Variants in GABRG1 observed in about 807,000 individuals in gnomAD.
The protein encoded by GABRG1 is gamma-aminobutyric acid receptor subunit gamma-1.
In GABRG1, 49 loss-of-function variants were observed where a neutral mutation model predicts 49.8. That is an observed-to-expected ratio of 0.98 (90% CI 0.78 to 1.25). The LOEUF is 1.25. Among genes scored for constraint, GABRG1 ranks in the 50% most tolerant of loss-of-function variants. GABRG1 has a pLI of 0.00. For synonymous variants in GABRG1, 232 were observed against 185.1 expected (o/e 1.25, Z -2.06); for missense variants, 552 against 552.3 (o/e 1.00, Z 0.01).
Position 46,066,514 on chromosome 4 carries a change from T to C in GABRG1, c.322-930A>G, listed in dbSNP as rs570289532. On this transcript the variant is annotated intron_variant, in intron 3 of 8. Transcript: ENST00000295452. ...TAATAGAAATATAAAATAATTCTTC[T>C]CACATCACAGAACTAATAAGCAGTT... Among the ~76,000 whole-genome samples the C allele has an allele frequency of 3.3e-5, 5 of 152,284 alleles. No individual in the cohort carries two copies. In the South Asian group the frequency reaches 1.0e-3, roughly 32 times the overall value.
intron 3 of GABRG1, among the ~76,000 whole-genome samples, chr4:46,083,100 C>T (rs1719633880): frequency 6.6e-6 from 1 of 151,702 alleles, no homozygotes; most frequent in Non-Finnish European, 1.5e-5. Flanking sequence ...TGTATTCCTA[C>T]ATCTGATAAT....
chr4:46,122,675 C>CA (rs1022032761), intron 1 of GABRG1, among the ~76,000 whole-genome samples: 5 of 151,824 alleles, frequency 3.3e-5, no homozygotes, highest in East Asian at 1.9e-4. Context: ...GCTGGTGTGG[C>CA]AAAAAAATTC....
chr4:46,105,802 TA>T (rs1467411492), intron 1 of GABRG1, among the ~76,000 whole-genome samples: 3 of 138,924 alleles, frequency 2.2e-5, no homozygotes, highest in Admixed American at 7.1e-5. Flanking sequence ...GATAGATAGA[TA>T]GATAGATAGA....
In GABRG1 at chr4:46,051,459, C is replaced by T. The variant is rs780057500; in HGVS notation, c.1096G>A (p.Ala366Thr). Residue 366 changes from alanine (A) to threonine (T), a missense_variant, in exon 8 of 9, where the codon GCT becomes ACT. Coordinates refer to ENST00000295452, the MANE Select transcript of GABRG1 (RefSeq NM_173536.4). The part of the protein sequence containing the change: ...YFTSNQKGKT[A>T]TKDRKLKNKA... ...TTTTTTAGCTTTCTGTCTTTAGTAG[C>T]AGTCTTTCCTTTTTGGTTGCTGGTA... 6.2e-7 allele frequency: 1 copy of T among 1,609,932 alleles called. No homozygotes were observed. Among genetic ancestry groups the T allele is most frequent in the Non-Finnish European group, 8.5e-7 (1 of 1,177,988 alleles).
chr4:46,090,939 C>CACACACACACACAT (rs1719963243), intron 2 of GABRG1, among the ~76,000 whole-genome samples: 4 of 138,748 alleles, frequency 2.9e-5, no homozygotes, highest in Admixed American at 1.5e-4. Flanking sequence ...GGAATACACA[C>CACACACACACACAT]ACACACACAC....
intron 8 of GABRG1, among the ~76,000 whole-genome samples, chr4:46,045,300 A>G (rs144398949): frequency 2.0e-5 from 3 of 152,234 alleles, no homozygotes; most frequent in Non-Finnish European, 4.4e-5. Context: ...AATTTTTAAT[A>G]AGCTAAAAGT....
At position 46,035,784 on chromosome 4, in the gene GABRG1, C is replaced by T. The variant is rs1158428456; in HGVS notation, c.*5204G>A. 1 of 151,862 alleles carries T rather than the reference C, an allele frequency of 6.6e-6. No homozygotes were observed. The highest frequency in any genetic ancestry group is 6.6e-5 in the Admixed American group (1 of 15,208). 9.4% of individuals were successfully genotyped at this position (151,862 alleles called of 1,614,324 possible). On this transcript the variant is annotated 3_prime_UTR_variant, in exon 9 of 9. Transcript: ENST00000295452. ...AAAGACACAATTTAAGAGAATGTGA[C>T]TCTTTATTTATAACAAGTTACTGGT...
At chr4:46,056,514 A>G (rs2109401586) in intron 7 of GABRG1, among the ~76,000 whole-genome samples, 1 of 152,022 alleles carries the variant, frequency 6.6e-6, no homozygotes, top group South Asian at 2.1e-4. Flanking sequence ...TACCACTCAC[A>G]CCCTGTCATT....
In GABRG1 at chr4:46,039,990, C is replaced by A. The variant is rs1172060408; in HGVS notation, c.*998G>T. The A allele has an allele frequency of 6.6e-6, 1 of 151,830 alleles. No homozygotes were observed. The highest frequency in any genetic ancestry group is 1.5e-5 in the Non-Finnish European group (1 of 67,846). 9.4% of individuals were successfully genotyped at this position (151,830 alleles called of 1,614,324 possible). ...GCATATTACTAGTCTAAAAACAATG[C>A]TAATAGCACATATTTAAGATTTTGT... On this transcript the variant is annotated 3_prime_UTR_variant, in exon 9 of 9. Coordinates refer to ENST00000295452, the MANE Select transcript of GABRG1 (RefSeq NM_173536.4).
intron 2 of GABRG1, among the ~76,000 whole-genome samples, chr4:46,085,974 T>C (rs1038734443): frequency 7.9e-5 from 12 of 151,622 alleles, no homozygotes; most frequent in African/African-American, 2.9e-4. Context: ...GCACAGACTA[T>C]GTTTAATTCA....
At chr4:46,101,071 G>A (rs1720363991) in intron 1 of GABRG1, among the ~76,000 whole-genome samples, 1 of 151,316 alleles carries the variant, frequency 6.6e-6, no homozygotes, top group African/African-American at 2.4e-5. Flanking sequence ...TTTGGAAGCT[G>A]GGAGATTTTT....
chr4:46,101,688 C>T (rs1003417550), intron 1 of GABRG1, among the ~76,000 whole-genome samples: 1 of 151,586 alleles, frequency 6.6e-6, no homozygotes, highest in Non-Finnish European at 1.5e-5. Context: ...AAGCATCAGA[C>T]ATTAAGATGC....
At chr4:46,063,138 T>A (rs1194373502) in intron 5 of GABRG1, among the ~76,000 whole-genome samples, 1 of 151,702 alleles carries the variant, frequency 6.6e-6, no homozygotes, top group Admixed American at 6.6e-5. Context: ...AAGCTACCAA[T>A]GACTTTCTTC....
At chr4:46,058,124 A>C in intron 7 of GABRG1, 93 bp downstream of exon 7, 2 of 1,230,882 alleles carry the variant, frequency 1.6e-6, no homozygotes, top group Non-Finnish European at 2.2e-6. Context: ...AGTCTAGAAG[A>C]ATATATCTAA....
At position 46,039,582 on chromosome 4, in the gene GABRG1, A is replaced by C. The variant is rs1289616048; in HGVS notation, c.*1406T>G. The C allele has an allele frequency of 1.3e-5, 2 of 151,712 alleles. No homozygotes were observed. Among genetic ancestry groups the C allele is most frequent in the Non-Finnish European group, 3.0e-5 (2 of 67,794 alleles). 9.4% of individuals were successfully genotyped at this position (151,712 alleles called of 1,614,324 possible). A position where few individuals can be genotyped will look rare whatever the true frequency, so the allele number is the denominator to read the frequency against. ...GGTCTTGGCAACAGAAACAATCTTTAAAGGTTATTTCCAAGCTAAACCTGG... is the reference window on the plus strand; with the variant it reads ...GGTCTTGGCAACAGAAACAATCTTTCAAGGTTATTTCCAAGCTAAACCTGG... On this transcript the variant is annotated 3_prime_UTR_variant, in exon 9 of 9. Coordinates refer to ENST00000295452, the MANE Select transcript of GABRG1 (RefSeq NM_173536.4).
Position 46,123,811 on chromosome 4 carries a change from A to G in GABRG1, c.103T>C (p.Cys35Arg). 1 of 1,609,592 alleles carries G rather than the reference A, an allele frequency of 6.2e-7. No individual in the cohort carries two copies. Among genetic ancestry groups the G allele is most frequent in the South Asian group, 1.1e-5 (1 of 90,982 alleles). ...TTTTAAACCCCTGAATTTACTCACC[A>G]GTTTCCCAAATGCAGGGTCAGTAAC... is the stretch of plus-strand genomic sequence containing the variant. The part of the protein sequence containing the change: ...FLLLTLHLGN[C>R]VDKADDEDDE... Residue 35 changes from cysteine (C) to arginine (R), a missense_variant and splice_region_variant, in exon 1 of 9, where the codon TGT becomes CGT. By Grantham distance (180) the Cys-to-Arg change is radical. Transcript: ENST00000295452.
chr4:46,113,623 G>T (rs941731861), intron 1 of GABRG1, among the ~76,000 whole-genome samples: 4 of 150,940 alleles, frequency 2.7e-5, no homozygotes, highest in Non-Finnish European at 5.9e-5. Flanking sequence ...TTGCCCATTT[G>T]GACAAAAAGA....
intron 3 of GABRG1, among the ~76,000 whole-genome samples, chr4:46,070,116 T>A (rs1223058295): frequency 6.6e-6 from 1 of 151,964 alleles, no homozygotes; most frequent in African/African-American, 2.4e-5. Flanking sequence ...GTATCCTACA[T>A]CTGGAAGAGC....
intron 3 of GABRG1, among the ~76,000 whole-genome samples, chr4:46,073,639 C>T (rs971426192): frequency 3.3e-5 from 5 of 151,982 alleles, no homozygotes; most frequent in South Asian, 2.1e-4. Context: ...TACAAAAGAT[C>T]CCCTTTATTC....
Sources: gnomAD v4.1 joint callset for allele counts (sites outside exome capture counted in the v4.1 genomes callset) on GRCh38, gnomAD v4.1.1 for gene constraint, MANE v1.5 for transcripts, NCBI Gene and HGNC (gene_info 2026-07-23, HGNC 2026-07-21) for gene names.